PRKX: variants seen among roughly 807,000 people sequenced by gnomAD.
PRKX encodes the protein protein kinase cAMP-dependent X-linked catalytic subunit, also known as cAMP-dependent protein kinase catalytic subunit PRKX.
Under a neutral mutation model 22.0 loss-of-function variants are expected in PRKX, and 12 were observed. The observed-to-expected ratio is 0.54, with a 90% CI of 0.35 to 0.88. The LOEUF (loss-of-function observed/expected upper bound fraction) is 0.88, where lower values mean the gene tolerates loss of function less well. Among genes scored for constraint, PRKX ranks in the 40% least tolerant of loss-of-function variants. The pLI is 0.01. For synonymous variants in PRKX, 134 were observed against 137.7 expected (o/e 0.97, Z 0.19); for missense variants, 217 against 308.0 (o/e 0.70, Z 2.21).
rs776339595 is a variant in PRKX, at chrX:3,689,745, A to T, written c.167-14979T>A. Among the ~76,000 whole-genome samples, 11 of 112,084 alleles carry T rather than the reference A, an allele frequency of 9.8e-5. No homozygotes were observed. The South Asian group carries it at 1.9e-3, about 19-fold the overall frequency. On this transcript the variant is annotated intron_variant, in intron 1 of 8. Coordinates refer to ENST00000262848, the MANE Select transcript of PRKX (RefSeq NM_005044.5). ...GTAATCCCAACACTTTGGGAGGCCA[A>T]GGCGGGCGGATCACAAGGTCAGGAG...
rs1182757858 is a variant in PRKX at position 3,713,623 on chromosome X, C to T, written c.-370G>A. ...TCCTCCAGCTCGGTAGCCGCGTGCG[C>T]GCTGTTGGGGCGGGCGGAAGCCGCC... On this transcript the variant is annotated 5_prime_UTR_variant, in exon 1 of 9. Transcript: ENST00000262848. The T allele has an allele frequency of 3.0e-4, 36 of 121,460 alleles. No individual in the cohort carries two copies. The highest frequency in any genetic ancestry group is 1.1e-3 in the African/African-American group (35 of 31,418). 10.0% of individuals were successfully genotyped at this position (121,460 alleles called of 1,213,427 possible).
In PRKX at chrX:3,713,128, A is replaced by G; in HGVS notation, c.126T>C (p.Pro42=). Residue 42 remains proline (P), a synonymous_variant, in exon 1 of 9, where the codon CCT becomes CCC. Coordinates refer to ENST00000262848, the MANE Select transcript of PRKX (RefSeq NM_005044.5). ...PSPEALSPEP[P]VYSLQDFDTL... is the part of the protein sequence containing the mutation. ...TGTCAAAGTCCTGCAGGCTGTACAC[A>G]GGCGGCTCCGGCGACAGCGCCTCAG... is the stretch of plus-strand genomic sequence containing the variant. The G allele has an allele frequency of 1.7e-6, 2 of 1,158,060 alleles. No homozygotes were observed. The highest frequency in any genetic ancestry group is 2.3e-6 in the Non-Finnish European group (2 of 872,529).
intron 1 of PRKX, among the ~76,000 whole-genome samples, chrX:3,677,095 G>C (rs944021747): frequency 2.7e-5 from 3 of 111,213 alleles, no homozygotes; most frequent in African/African-American, 9.8e-5. Context: ...AGAGTAGAGA[G>C]GTAGTTATCA....
Position 3,620,984 on chromosome X carries a change from C to T in PRKX, c.873+275G>A, listed in dbSNP as rs181583902. Among the ~76,000 whole-genome samples the T allele has an allele frequency of 5.1e-3, 567 of 110,996 alleles. 2 individuals carry two copies. The highest frequency in any genetic ancestry group is 8.4e-3 in the Non-Finnish European group (444 of 52,986). ...ACAAAATAATGAGTAATAACTTATG[C>T]ATTGTTATTGCTCTATTAACCTTGC... On this transcript the variant is annotated intron_variant, in intron 6 of 8. Coordinates refer to ENST00000262848, the MANE Select transcript of PRKX (RefSeq NM_005044.5).
chrX:3,679,157 G>A (rs778545739), intron 1 of PRKX, among the ~76,000 whole-genome samples: 20 of 111,600 alleles, frequency 1.8e-4, no homozygotes, highest in Admixed American at 3.8e-4. Flanking sequence ...TAATGATCCC[G>A]TTGCCCAAGT....
chrX:3,692,385 CCT>C (rs749414182), intron 1 of PRKX, among the ~76,000 whole-genome samples: 17 of 110,427 alleles, frequency 1.5e-4, no homozygotes, highest in Non-Finnish European at 2.1e-4. Context: ...GTTGAGACCC[CCT>C]GTTTTGGAGC....
intron 2 of PRKX, among the ~76,000 whole-genome samples, chrX:3,668,446 A>G (rs1927780436): frequency 8.9e-6 from 1 of 111,976 alleles, no homozygotes; most frequent in African/African-American, 3.2e-5. Flanking sequence ...AACTCTCAGT[A>G]AAACAAAGGA....
chrX:3,677,054 G>GA (rs1261116405), intron 1 of PRKX, among the ~76,000 whole-genome samples: 1 of 111,217 alleles, frequency 9.0e-6, no homozygotes, highest in Non-Finnish European at 1.9e-5. Flanking sequence ...GACTAATGCA[G>GA]AATCTACAAT....
chrX:3,618,711 C>G (rs1292306515), intron 6 of PRKX, among the ~76,000 whole-genome samples: 2 of 111,747 alleles, frequency 1.8e-5, no homozygotes, highest in Middle Eastern at 4.2e-3. Context: ...TAAGACCTAG[C>G]TTGGGAGTTT....
At chrX:3,622,828 T>TC (rs1926584609) in intron 5 of PRKX, among the ~76,000 whole-genome samples, 1 of 106,480 alleles carries the variant, frequency 9.4e-6, no homozygotes, top group Non-Finnish European at 2.0e-5. Context: ...TTTGACATGC[T>TC]CCCCCCTGCC....
chrX:3,658,871 G>A (rs1927534107), intron 2 of PRKX, among the ~76,000 whole-genome samples: 2 of 111,356 alleles, frequency 1.8e-5, no homozygotes, highest in Admixed American at 9.6e-5. Context: ...AAGGTCGACC[G>A]GATGGTCTTG....
At chrX:3,676,335 T>C (rs923677389) in intron 1 of PRKX, among the ~76,000 whole-genome samples, 2 of 111,664 alleles carry the variant, frequency 1.8e-5, no homozygotes, top group African/African-American at 3.3e-5. Context: ...CCGATCAATA[T>C]TGATCCATTT....
intron 1 of PRKX, among the ~76,000 whole-genome samples, chrX:3,677,419 T>C (rs1254495520): frequency 4.7e-5 from 5 of 105,895 alleles, no homozygotes; most frequent in Non-Finnish European, 7.7e-5. Context: ...AGCCTTGACC[T>C]GCCAGGCTCA....
At chrX:3,701,508 T>C (rs1317153878) in intron 1 of PRKX, among the ~76,000 whole-genome samples, 4 of 112,466 alleles carry the variant, frequency 3.6e-5, no homozygotes, top group Non-Finnish European at 1.9e-5. Flanking sequence ...TGGAATCTCA[T>C]CCAAGCTGGA....
intron 4 of PRKX, among the ~76,000 whole-genome samples, chrX:3,628,877 T>C (rs987772577): frequency 5.4e-5 from 6 of 110,976 alleles, no homozygotes; most frequent in Non-Finnish European, 1.1e-4. Context: ...CCGTCTCTAC[T>C]AAAAATACAA....
chrX:3,625,140 C>T, intron 5 of PRKX, among the ~76,000 whole-genome samples: 1 of 111,545 alleles, frequency 9.0e-6, no homozygotes, highest in East Asian at 2.8e-4. Context: ...AGCGGAGCCT[C>T]GTTTTCTTGC....
chrX:3,640,090 G>C (rs1249020982), intron 4 of PRKX, among the ~76,000 whole-genome samples: 13 of 110,615 alleles, frequency 1.2e-4, no homozygotes, highest in African/African-American at 3.9e-4. Flanking sequence ...GAATCAGAGA[G>C]ATGTGAGGGA....
chrX:3,607,488 T>TA lies in PRKX; in HGVS notation c.*1480dup, dbSNP rs1926202254. The TA allele has an allele frequency of 1.8e-5, 2 of 111,438 alleles. No individual in the cohort carries two copies. Among genetic ancestry groups the TA allele is most frequent in the African/African-American group, 6.5e-5 (2 of 30,544 alleles). The allele number at this position is 111,438 out of a possible 1,213,427, so 9.2% of individuals were successfully genotyped here. A position where few individuals can be genotyped will look rare whatever the true frequency, so the allele number is the denominator to read the frequency against. On this transcript the variant is annotated 3_prime_UTR_variant, in exon 9 of 9. Transcript: ENST00000262848. The stretch of plus-strand genomic sequence containing the variant: ...GTGAGTGAGAAGCACAGGCTGAAAA[T>TA]AGAGTTGTCTAAAACATTTCCACAT...
Position 3,655,338 on chromosome X carries a change from T to C in PRKX, c.410A>G (p.Tyr137Cys), listed in dbSNP as rs753367710. The C allele has an allele frequency of 8.3e-7, 1 of 1,210,657 alleles. No homozygotes were observed. The highest frequency in any genetic ancestry group is 1.1e-6 in the Non-Finnish European group (1 of 895,389). Residue 137 changes from tyrosine (Y) to cysteine (C), a missense_variant, in exon 3 of 9, where the codon TAC becomes TGC. By Grantham distance (194) the Tyr-to-Cys change is radical. Coordinates refer to ENST00000262848, the MANE Select transcript of PRKX (RefSeq NM_005044.5). The part of the protein sequence containing the change: ...EYVPGGELFS[Y>C]LRNRGRFSST... ...GGAGAAGCGCCCCCGGTTGCGCAGG[T>C]AGCTGAAGAGCTCGCCGCCCGGCAC... is the stretch of plus-strand genomic sequence containing the variant.
Sources: gnomAD v4.1 joint callset for allele counts (sites outside exome capture counted in the v4.1 genomes callset) on GRCh38, gnomAD v4.1.1 for gene constraint, MANE v1.5 for transcripts, NCBI Gene and HGNC (gene_info 2026-07-23, HGNC 2026-07-21) for gene names.